Variants in CNTNAP2 observed in about 807,000 individuals in gnomAD.
CNTNAP2 encodes the protein contactin-associated protein-like 2.
Under a neutral mutation model 155.2 loss-of-function variants are expected in CNTNAP2, and 98 were observed. That is an observed-to-expected ratio of 0.63 (90% CI 0.54 to 0.75). CNTNAP2 has a LOEUF of 0.75. Among genes scored for constraint, CNTNAP2 ranks in the 30% least tolerant of loss-of-function variants. CNTNAP2 has a pLI of 0.00. For synonymous variants in CNTNAP2, 651 were observed against 631.2 expected, an observed-to-expected ratio of 1.03 and a Z score of -0.47; for missense variants, 1,727 against 1,688.1, an observed-to-expected ratio of 1.02 and a Z score of -0.40.
intron 15 of CNTNAP2, among the ~76,000 whole-genome samples, chr7:148,060,245 T>A (rs986984284): frequency 1.4e-4 from 21 of 152,230 alleles, no homozygotes; most frequent in African/African-American, 4.6e-4. Flanking sequence ...TTAAAACTGC[T>A]TTAAATGATT....
intron 4 of CNTNAP2, among the ~76,000 whole-genome samples, chr7:147,069,157 C>T (rs1472331352): frequency 2.0e-5 from 3 of 152,142 alleles, no homozygotes; most frequent in Non-Finnish European, 1.5e-5. Context: ...ATGAGGGATC[C>T]ACCCCCATGA....
chr7:147,635,958 G>C (rs543909926), intron 12 of CNTNAP2, among the ~76,000 whole-genome samples: 2 of 152,176 alleles, frequency 1.3e-5, no homozygotes, highest in African/African-American at 4.8e-5. Context: ...GCCAGAGGCT[G>C]ACTGTAACAG....
intron 1 of CNTNAP2, among the ~76,000 whole-genome samples, chr7:146,323,712 A>G (rs542936084): frequency 1.3e-5 from 2 of 152,290 alleles, no homozygotes; most frequent in South Asian, 4.1e-4. Flanking sequence ...TATTTCCAGG[A>G]AGGCATCAAA....
intron 1 of CNTNAP2, among the ~76,000 whole-genome samples, chr7:146,172,720 A>G (rs1798413057): frequency 6.6e-6 from 1 of 152,192 alleles, no homozygotes; most frequent in Non-Finnish European, 1.5e-5. Context: ...AACCATGTGT[A>G]GTACAGTGTT....
rs145343630 is a variant in CNTNAP2 at position 148,154,961 on chromosome 7, A to G, written c.2773+7252A>G. On this transcript the variant is annotated intron_variant, in intron 17 of 23. Transcript: ENST00000361727. Reference sequence around the variant, plus strand: ...CAAAAAAAAAAAAAATGTACATCTCAAATTGCAGGAATTATAACCTAGAGA... The same window carrying G: ...CAAAAAAAAAAAAAATGTACATCTCGAATTGCAGGAATTATAACCTAGAGA... 9.9e-4 allele frequency among the ~76,000 whole-genome samples: 151 copies of G among 152,036 alleles called. 1 individual carries two copies. The highest frequency in any genetic ancestry group is 3.5e-3 in the African/African-American group (144 of 41,482).
At chr7:147,542,179 C>A (rs1325866118) in intron 11 of CNTNAP2, among the ~76,000 whole-genome samples, 3 of 152,120 alleles carry the variant, frequency 2.0e-5, no homozygotes, top group African/African-American at 7.2e-5. Flanking sequence ...ACTAAACTCT[C>A]CACTTATCAT....
intron 1 of CNTNAP2, among the ~76,000 whole-genome samples, chr7:146,677,709 A>G (rs1478902100): frequency 2.0e-5 from 3 of 151,556 alleles, no homozygotes; most frequent in African/African-American, 7.3e-5. Flanking sequence ...TTTTAGGAGA[A>G]AGAGGCAGTT....
chr7:148,250,904 G>T (rs1217148913), intron 20 of CNTNAP2, among the ~76,000 whole-genome samples: 1 of 152,182 alleles, frequency 6.6e-6, no homozygotes, highest in African/African-American at 2.4e-5. Flanking sequence ...CTGGAGTGCA[G>T]TCACACAATC....
At chr7:147,958,001 G>A (rs1463860758) in intron 14 of CNTNAP2, among the ~76,000 whole-genome samples, 1 of 152,146 alleles carries the variant, frequency 6.6e-6, no homozygotes, top group Non-Finnish European at 1.5e-5. Flanking sequence ...CTTGAGCCTT[G>A]GAGGTTGAGG....
At chr7:146,913,895 C>T (rs1271828447) in intron 3 of CNTNAP2, among the ~76,000 whole-genome samples, 1 of 151,892 alleles carries the variant, frequency 6.6e-6, no homozygotes, top group East Asian at 1.9e-4. Context: ...GTTTTTTATT[C>T]CTCACCACCC....
At chr7:148,362,782 GC>G (rs1468566380) in intron 21 of CNTNAP2, among the ~76,000 whole-genome samples, 1 of 152,130 alleles carries the variant, frequency 6.6e-6, no homozygotes, top group Non-Finnish European at 1.5e-5. Context: ...TCTCACTCCA[GC>G]CCCATGTTTC....
At chr7:146,184,285 C>A (rs918717572) in intron 1 of CNTNAP2, among the ~76,000 whole-genome samples, 2 of 152,038 alleles carry the variant, frequency 1.3e-5, no homozygotes, top group Non-Finnish European at 2.9e-5. Context: ...GATAAACAAA[C>A]AAGAATCCAA....
intron 15 of CNTNAP2, among the ~76,000 whole-genome samples, chr7:148,104,324 G>A (rs1382509232): frequency 6.6e-6 from 1 of 152,172 alleles, no homozygotes. Flanking sequence ...ATTACCCTGG[G>A]TATAGAGCAG....
chr7:147,264,405 T>C (rs1002918729), intron 8 of CNTNAP2, among the ~76,000 whole-genome samples: 9 of 151,880 alleles, frequency 5.9e-5, no homozygotes, highest in Non-Finnish European at 1.0e-4. Context: ...GTGAAAGAGA[T>C]ACGTAGAATG....
chr7:146,845,189 A>G (rs1231146789), intron 3 of CNTNAP2, among the ~76,000 whole-genome samples: 3 of 152,218 alleles, frequency 2.0e-5, no homozygotes, highest in South Asian at 2.1e-4. Flanking sequence ...ATAGCAAGGC[A>G]TAAGCTGGAC....
intron 1 of CNTNAP2, among the ~76,000 whole-genome samples, chr7:146,700,977 T>G (rs1800867144): frequency 1.3e-5 from 2 of 152,208 alleles, no homozygotes; most frequent in South Asian, 4.1e-4. Flanking sequence ...GGAAAGAAAT[T>G]GGAGAACAGG....
chr7:147,040,451 ATTTTTTTTTTTT>A (rs34880534), intron 3 of CNTNAP2, among the ~76,000 whole-genome samples: 2 of 80,830 alleles, frequency 2.5e-5, no homozygotes, highest in African/African-American at 5.7e-5. Context: ...TTAAGAGTGA[ATTTTTTTTTTTT>A]TTTTTTTTTT....
rs566869400 is a variant in CNTNAP2, at chr7:147,799,330, G to A, written c.2099-104235G>A. Among the ~76,000 whole-genome samples the A allele has an allele frequency of 2.5e-3, 383 of 152,208 alleles. 1 individual carries two copies. The highest frequency in any genetic ancestry group is 8.9e-3 in the African/African-American group (369 of 41,530). On this transcript the variant is annotated intron_variant, in intron 13 of 23. Coordinates refer to ENST00000361727, the MANE Select transcript of CNTNAP2 (RefSeq NM_014141.6). Reference sequence around the variant, plus strand: ...AGGGGAAAGCACACTAGTTTTAGGTGCCATCAATAATCCTGTAGGCATTCA... The same window carrying A: ...AGGGGAAAGCACACTAGTTTTAGGTACCATCAATAATCCTGTAGGCATTCA...
chr7:146,161,728 A>C (rs1798225564), intron 1 of CNTNAP2, among the ~76,000 whole-genome samples: 1 of 152,218 alleles, frequency 6.6e-6, no homozygotes, highest in Non-Finnish European at 1.5e-5. Context: ...TAAAGAACAA[A>C]GCTGGATGCA....
Sources: gnomAD v4.1 joint callset for allele counts (sites outside exome capture counted in the v4.1 genomes callset) on GRCh38, gnomAD v4.1.1 for gene constraint, MANE v1.5 for transcripts, NCBI Gene and HGNC (gene_info 2026-07-23, HGNC 2026-07-21) for gene names.